Variants in FUNDC2 observed in about 807,000 individuals in gnomAD.
The protein encoded by FUNDC2 is FUN14 domain-containing protein 2.
A neutral mutation model predicts 15.6 loss-of-function variants in FUNDC2; 4 were observed. The ratio of observed to expected loss-of-function variants is 0.26; its 90% confidence interval spans 0.13 to 0.59. FUNDC2 has a LOEUF of 0.59. Among genes scored for constraint, FUNDC2 ranks in the 20% least tolerant of loss-of-function variants. The pLI is 0.90. For missense variants in FUNDC2, 98 were observed against 149.7 expected (o/e 0.65, Z 1.80); for synonymous variants, 44 against 56.9 (o/e 0.77, Z 1.02).
intron 2 of FUNDC2, among the ~76,000 whole-genome samples, 189 bp from the exon 3 acceptor site, chrX:155,046,320 A>C (rs1402520748): frequency 8.9e-6 from 1 of 111,914 alleles, no homozygotes; most frequent in Non-Finnish European, 1.9e-5. Flanking sequence ...GACTTACTCA[A>C]GACCACAAGA....
rs1258401440 is a variant in FUNDC2 at position 155,057,513 on chromosome X, T to C, written c.*2841T>C. ...GTCCGCAGAAACTTGACTTGGAATGTGTTCGGGGTTTCATCGCCCCCTTGT... is the reference window on the plus strand; with the variant it reads ...GTCCGCAGAAACTTGACTTGGAATGCGTTCGGGGTTTCATCGCCCCCTTGT... On this transcript the variant is annotated 3_prime_UTR_variant, in exon 5 of 5. Transcript: ENST00000369498. The C allele has an allele frequency of 1.8e-5, 2 of 111,788 alleles. No homozygotes were observed. Among genetic ancestry groups the C allele is most frequent in the African/African-American group, 3.3e-5 (1 of 30,605 alleles). The allele number at this position is 111,788 out of a possible 1,213,427, so 9.2% of individuals were successfully genotyped here.
rs2073907642 is a variant in FUNDC2, at chrX:155,057,056, C to CA, written c.*2384_*2385insA. ...TGGCCTCATCCTGCTAGTATGAGAA[C>CA]GGCTGTGAGTTCTGCCCACGGTGTG... On this transcript the variant is annotated 3_prime_UTR_variant, in exon 5 of 5. Coordinates refer to ENST00000369498, the MANE Select transcript of FUNDC2 (RefSeq NM_023934.4). 1.0e-5 allele frequency: 1 copy of CA among 97,573 alleles called. No homozygotes were observed. The highest frequency in any genetic ancestry group is 3.6e-5 in the African/African-American group (1 of 27,448). The allele number at this position is 97,573 out of a possible 1,213,427, so 8.0% of individuals were successfully genotyped here. A position where few individuals can be genotyped will look rare whatever the true frequency, so the allele number is the denominator to read the frequency against.
Position 155,058,782 on chromosome X carries a change from G to A in FUNDC2, c.*4110G>A, listed in dbSNP as rs968931842. 40 of 110,705 alleles carry A rather than the reference G, an allele frequency of 3.6e-4. No individual in the cohort carries two copies. Among genetic ancestry groups the A allele is most frequent in the African/African-American group, 1.1e-3 (33 of 30,492 alleles). 9.1% of individuals were successfully genotyped at this position (110,705 alleles called of 1,213,427 possible). On this transcript the variant is annotated 3_prime_UTR_variant, in exon 5 of 5. Coordinates refer to ENST00000369498, the MANE Select transcript of FUNDC2 (RefSeq NM_023934.4). Reference sequence around the variant, plus strand: ...GTCATATGGTATAGCTTATATTTCCGATGCTTGCATTCTTTTTAAGGGGTC... The same window carrying A: ...GTCATATGGTATAGCTTATATTTCCAATGCTTGCATTCTTTTTAAGGGGTC...
At chrX:155,035,111 T>C (rs899910462) in intron 2 of FUNDC2, among the ~76,000 whole-genome samples, 23 of 111,970 alleles carry the variant, frequency 2.1e-4, no homozygotes, top group Non-Finnish European at 3.9e-4. Flanking sequence ...TTGTGGCTTA[T>C]TTAAGTAATC....
rs782190912 is a variant in FUNDC2, at chrX:155,042,632, G to A, written c.285-3877G>A. 2.6e-4 allele frequency among the ~76,000 whole-genome samples: 29 copies of A among 111,513 alleles called. 1 individual carries two copies. The South Asian group carries it at 9.7e-3, about 37-fold the overall frequency. Reference sequence around the variant, plus strand: ...ATTCCAATTACACATTTATTAGGGTGTGTGAAGTTTTTCCACAGTTCATTA... The same window carrying A: ...ATTCCAATTACACATTTATTAGGGTATGTGAAGTTTTTCCACAGTTCATTA... On this transcript the variant is annotated intron_variant, in intron 2 of 4. Transcript: ENST00000369498.
chrX:155,036,471 T>C (rs782196368), intron 2 of FUNDC2, among the ~76,000 whole-genome samples: 1 of 112,197 alleles, frequency 8.9e-6, no homozygotes, highest in Non-Finnish European at 1.9e-5. Context: ...TTATCTGAAC[T>C]GTACCTTTCA....
rs1262624436 is a variant in FUNDC2 at position 155,056,570 on chromosome X, A to C, written c.*1898A>C. The C allele has an allele frequency of 9.2e-6, 1 of 108,543 alleles. No individual in the cohort carries two copies. Among genetic ancestry groups the C allele is most frequent in the Non-Finnish European group, 1.9e-5 (1 of 52,422 alleles). 8.9% of individuals were successfully genotyped at this position (108,543 alleles called of 1,213,427 possible). On this transcript the variant is annotated 3_prime_UTR_variant, in exon 5 of 5. Coordinates refer to ENST00000369498, the MANE Select transcript of FUNDC2 (RefSeq NM_023934.4). Reference sequence around the variant, plus strand: ...TATATTTATATCTCTATATATATTGATATAGACATATGTAGTGACACTGAG... The same window carrying C: ...TATATTTATATCTCTATATATATTGCTATAGACATATGTAGTGACACTGAG...
rs1462083418 is a variant in FUNDC2, at chrX:155,059,451, T to G, written c.*4779T>G. 1 of 110,691 alleles carries G rather than the reference T, an allele frequency of 9.0e-6. No individual in the cohort carries two copies. The highest frequency in any genetic ancestry group is 1.9e-5 in the Non-Finnish European group (1 of 52,848). The allele number at this position is 110,691 out of a possible 1,213,427, so 9.1% of individuals were successfully genotyped here. ...GCCAACTTAACAAAGTTTTTTTTTT[T>G]TTTTGGTTTCTAAAATGGGAGATCA... On this transcript the variant is annotated 3_prime_UTR_variant, in exon 5 of 5. Coordinates refer to ENST00000369498, the MANE Select transcript of FUNDC2 (RefSeq NM_023934.4).
chrX:155,050,020 TC>T (rs1312672903), intron 3 of FUNDC2: 1 of 111,988 alleles, frequency 8.9e-6, no homozygotes, highest in African/African-American at 3.3e-5. Flanking sequence ...GACAAAGATG[TC>T]TATGATTGGA....
At chrX:155,049,609 T>C (rs1219060720) in intron 3 of FUNDC2, 1 of 112,332 alleles carries the variant, frequency 8.9e-6, no homozygotes, top group African/African-American at 3.2e-5. Flanking sequence ...GGCTTATTTA[T>C]GTATCTATAA....
At chrX:155,052,651 G>T (rs968838107) in intron 4 of FUNDC2, among the ~76,000 whole-genome samples, 4 of 111,029 alleles carry the variant, frequency 3.6e-5, no homozygotes, top group African/African-American at 1.3e-4. Context: ...GTGGCTCTTC[G>T]TGCTGGTGAT....
At chrX:155,033,618 A>T in intron 2 of FUNDC2, 65 bp downstream of exon 2, 1 of 1,056,172 alleles carries the variant, frequency 9.5e-7, no homozygotes, top group Non-Finnish European at 1.3e-6. Flanking sequence ...TATAGGTACC[A>T]TCATCTCCTT....
At position 155,033,515 on chromosome X, in the gene FUNDC2, C is replaced by T. The variant is rs140558329; in HGVS notation, c.246C>T (p.Ser82=). The T allele has an allele frequency of 5.8e-6, 7 of 1,210,562 alleles. No homozygotes were observed. Among genetic ancestry groups the T allele is most frequent in the Non-Finnish European group, 5.6e-6 (5 of 894,471 alleles). The change falls in exon 2 of 5, where the codon AGC becomes AGT. Residue 82 remains serine, a synonymous_variant. Coordinates refer to ENST00000369498, the MANE Select transcript of FUNDC2 (RefSeq NM_023934.4). ...QESGPSAEKY[S]VATQLFIGGV... Reference sequence around the variant, plus strand: ...CTGGACCTTCAGCAGAAAAGTATAGCGTGGCAACCCAGCTGTTCATTGGAG... The same window carrying T: ...CTGGACCTTCAGCAGAAAAGTATAGTGTGGCAACCCAGCTGTTCATTGGAG...
chrX:155,045,932 A>G (rs1187073642), intron 2 of FUNDC2, among the ~76,000 whole-genome samples: 1 of 110,978 alleles, frequency 9.0e-6, no homozygotes, highest in East Asian at 2.8e-4. Flanking sequence ...TGCCACTCAG[A>G]TATCATATGG....
intron 1 of FUNDC2, 199 bp from the exon 2 acceptor site, chrX:155,033,204 A>G (rs1209528366): frequency 4.7e-5 from 16 of 342,430 alleles, no homozygotes. Flanking sequence ...GAGATTTTCT[A>G]GGTTTTTCCC....
At position 155,055,454 on chromosome X, in the gene FUNDC2, T is replaced by A. The variant is rs1288212583; in HGVS notation, c.*782T>A. Reference sequence around the variant, plus strand: ...GTGCCACTTCTACTATTTTTTTTTTTAATCTAGTTAGTATGAAATACAACA... The same window carrying A: ...GTGCCACTTCTACTATTTTTTTTTTAAATCTAGTTAGTATGAAATACAACA... On this transcript the variant is annotated 3_prime_UTR_variant, in exon 5 of 5. Transcript: ENST00000369498. 2.8e-5 allele frequency: 8 copies of A among 290,024 alleles called. No individual in the cohort carries two copies. Among genetic ancestry groups the A allele is most frequent in the Middle Eastern group, 9.0e-4 (1 of 1,117 alleles). The allele number at this position is 290,024 out of a possible 1,213,427, so 23.9% of individuals were successfully genotyped here. A position where few individuals can be genotyped will look rare whatever the true frequency, so the allele number is the denominator to read the frequency against.
rs1294110035 is a variant in FUNDC2, at chrX:155,058,206, G to C, written c.*3534G>C. 1.8e-5 allele frequency: 2 copies of C among 111,525 alleles called. No homozygotes were observed. The highest frequency in any genetic ancestry group is 3.8e-5 in the Non-Finnish European group (2 of 53,136). The allele number at this position is 111,525 out of a possible 1,213,427, so 9.2% of individuals were successfully genotyped here. A position where few individuals can be genotyped will look rare whatever the true frequency, so the allele number is the denominator to read the frequency against. On this transcript the variant is annotated 3_prime_UTR_variant, in exon 5 of 5. Transcript: ENST00000369498. ...TACTGTCTCATGGATGCTGGCAGAAGACGATTCAAGTTGGCGGACTAGATT... is the reference window on the plus strand; with the variant it reads ...TACTGTCTCATGGATGCTGGCAGAACACGATTCAAGTTGGCGGACTAGATT...
chrX:155,035,073 C>T (rs782364511), intron 2 of FUNDC2, among the ~76,000 whole-genome samples: 4 of 111,776 alleles, frequency 3.6e-5, no homozygotes, highest in Non-Finnish European at 7.5e-5. Flanking sequence ...TCAATTTTAT[C>T]AATCTTAACC....
intron 1 of FUNDC2, among the ~76,000 whole-genome samples, chrX:155,032,069 C>T (rs782301417): frequency 3.8e-3 from 417 of 109,235 alleles, no homozygotes; most frequent in Middle Eastern, 0.014. Flanking sequence ...TCCACCTCCC[C>T]GGTTCCAGTG....
Sources: allele counts gnomAD v4.1 joint callset (sites outside exome capture counted in the v4.1 genomes callset), GRCh38; gene constraint gnomAD v4.1.1; transcripts MANE v1.5; gene names NCBI Gene and HGNC (gene_info 2026-07-23, HGNC 2026-07-21).